CIITA: variants seen among roughly 807,000 people sequenced by gnomAD.
CIITA encodes the protein class II major histocompatibility complex transactivator.
In CIITA, 72 loss-of-function variants were observed where a neutral mutation model predicts 115.1. The observed-to-expected ratio is 0.63, with a 90% CI of 0.52 to 0.76. The LOEUF is 0.76. Ranked by LOEUF, CIITA falls within the 30% of genes least tolerant of loss-of-function variation. The pLI is 0.00. For missense variants in CIITA, 1,617 were observed against 1,463.8 expected, an observed-to-expected ratio of 1.10 and a Z score of -1.71; for synonymous variants, 763 against 635.6, an observed-to-expected ratio of 1.20 and a Z score of -3.02.
At chr16:10,903,692 A>T in intron 8 of CIITA, 39 bp from the exon 9 acceptor site, 2 of 1,612,332 alleles carry the variant, frequency 1.2e-6, no homozygotes, top group Non-Finnish European at 1.7e-6. Flanking sequence ...TGGAATCAAT[A>T]CCTGGTTATT....
rs143703122 is a variant in CIITA at position 10,889,580 on chromosome 16, C to T, written c.53-5702C>T. On this transcript the variant is annotated intron_variant, in intron 1 of 19. Coordinates refer to ENST00000324288, the MANE Select transcript of CIITA (RefSeq NM_000246.4). ...TGTCGCCCAGGCTGGAGTGCAGTGG[C>T]GCAGTCTTGGTTCACTGCAGCCTCT... Among the ~76,000 whole-genome samples the T allele has an allele frequency of 2.5e-3, 379 of 151,552 alleles. 1 individual carries two copies. Among genetic ancestry groups the T allele is most frequent in the African/African-American group, 8.2e-3 (339 of 41,282 alleles).
chr16:10,881,084 G>A (rs2036378875), intron 1 of CIITA, among the ~76,000 whole-genome samples: 2 of 152,194 alleles, frequency 1.3e-5, no homozygotes, highest in Middle Eastern at 3.4e-3. Flanking sequence ...GACCAGCCTG[G>A]GCAACCTGGA....
chr16:10,866,357 T>G (rs1357577611), intron 1 of CIITA: 1 of 568,588 alleles, frequency 1.8e-6, no homozygotes, highest in Non-Finnish European at 3.4e-6. Flanking sequence ...CCCAGCCTGG[T>G]GCAGGCCCTC....
intron 15 of CIITA, among the ~76,000 whole-genome samples, chr16:10,917,168 A>G (rs1342804114): frequency 6.6e-6 from 1 of 152,078 alleles, no homozygotes; most frequent in Non-Finnish European, 1.5e-5. Context: ...ATACAGGAGG[A>G]TCAATGTGAT....
chr16:10,875,949 G>C (rs934249839), upstream of CIITA, among the ~76,000 whole-genome samples: 2 of 152,114 alleles, frequency 1.3e-5, no homozygotes, highest in African/African-American at 4.8e-5. Context: ...CAGCCTGGGC[G>C]AAAGAGCGCG....
chr16:10,897,046 C>T (rs894124997), intron 3 of CIITA, among the ~76,000 whole-genome samples: 1 of 152,192 alleles, frequency 6.6e-6, no homozygotes, highest in Non-Finnish European at 1.5e-5. Context: ...TGTTTTTCTC[C>T]CCCCTTAGTG....
In CIITA at chr16:10,907,134, C is replaced by T. The variant is rs757009223; in HGVS notation, c.1642C>T (p.Arg548Trp). ...AGGTTGCACCCTCCTCCTCACAGCC[C>T]GGCCCCGGGGCCGCCTGGTCCAGAG... is the stretch of plus-strand genomic sequence containing the variant. Reference protein sequence around the residue: ...LRGCTLLLTARPRGRLVQSLS... With the variant: ...LRGCTLLLTAWPRGRLVQSLS... Residue 548 changes from arginine (R) to tryptophan (W), a missense_variant, in exon 11 of 20, where the codon CGG (arginine) becomes TGG (tryptophan). Arg to Trp is a moderately radical substitution (Grantham distance 101). Coordinates refer to ENST00000324288, the MANE Select transcript of CIITA (RefSeq NM_000246.4). The surrounding 1 kb of genome is among the most constrained non-coding windows in gnomAD (Gnocchi z 5.0). 2.5e-6 allele frequency: 4 copies of T among 1,612,456 alleles called. No individual in the cohort carries two copies. The highest frequency in any genetic ancestry group is 3.4e-6 in the Non-Finnish European group (4 of 1,179,810).
At chr16:10,940,107 AG>A (rs1314902914), downstream of CIITA, 2 of 152,236 alleles carry the variant, frequency 1.3e-5, no homozygotes, top group African/African-American at 2.4e-5. The surrounding 1 kb of genome is among the most constrained non-coding windows in gnomAD (Gnocchi z 4.2). Flanking sequence ...CCATTAGGAG[AG>A]CCCTCTGCCG....
At chr16:10,874,572 C>CG (rs2035701593), upstream of CIITA, among the ~76,000 whole-genome samples, 1 of 152,224 alleles carries the variant, frequency 6.6e-6, no homozygotes, top group South Asian at 2.1e-4. Flanking sequence ...TGCCATCAGT[C>CG]AAACACACAG....
At chr16:10,882,155 G>A (rs1309002800) in intron 1 of CIITA, among the ~76,000 whole-genome samples, 1 of 152,106 alleles carries the variant, frequency 6.6e-6, no homozygotes, top group East Asian at 1.9e-4. Context: ...CTGACTCCCC[G>A]CTTTCAACTC....
At chr16:10,878,626 T>G (rs770546238) in intron 1 of CIITA, among the ~76,000 whole-genome samples, 28 of 152,018 alleles carry the variant, frequency 1.8e-4, no homozygotes, top group Non-Finnish European at 7.4e-5. Flanking sequence ...TTGGACTGAG[T>G]TGGAGAGAAA....
In CIITA at chr16:10,886,596, A is replaced by G. The variant is rs559961774; in HGVS notation, c.53-8686A>G. 8.5e-4 allele frequency among the ~76,000 whole-genome samples: 129 copies of G among 152,328 alleles called. 1 individual carries two copies. The highest frequency in any genetic ancestry group is 3.0e-3 in the African/African-American group (123 of 41,576). On this transcript the variant is annotated intron_variant, in intron 1 of 19. Transcript: ENST00000324288. The stretch of plus-strand genomic sequence containing the variant: ...GGCCCCATCCATCTACATTCCCACA[A>G]ACCCGTGTAACCAACACTTGGCATT...
intron 12 of CIITA, among the ~76,000 whole-genome samples, chr16:10,909,660 T>G (rs1379889384): frequency 1.3e-5 from 2 of 152,240 alleles, no homozygotes; most frequent in African/African-American, 4.8e-5. Flanking sequence ...AAGTGCTGTC[T>G]GGGATAGGTA....
chr16:10,902,283 T>C lies in CIITA; in HGVS notation c.628+99T>C. ...GGACTGTCAGGAACTGGACCTCACC[T>C]CTCCCCAACCCTATCAGTGTCACTC... On this transcript the variant is annotated intron_variant, in intron 7 of 19. Coordinates refer to ENST00000324288, the MANE Select transcript of CIITA (RefSeq NM_000246.4). 5 of 1,506,720 alleles carry C rather than the reference T, an allele frequency of 3.3e-6. No homozygotes were observed. In the South Asian group the frequency reaches 5.9e-5, roughly 18 times the overall value. The allele number at this position is 1,506,720 out of a possible 1,614,324, so 93.3% of individuals were successfully genotyped here.
At chr16:10,938,487 G>A (rs2041059855), downstream of CIITA, 1 of 152,190 alleles carries the variant, frequency 6.6e-6, no homozygotes, top group African/African-American at 2.4e-5. The surrounding 1 kb of genome is among the most constrained non-coding windows in gnomAD (Gnocchi z 4.9). Context: ...ATTGGCGTGT[G>A]GGGAACACAT....
chr16:10,887,953 C>T lies in CIITA; in HGVS notation c.53-7329C>T, dbSNP rs73499480. Reference sequence around the variant, plus strand: ...TCTAATGAACTGGACGTAATCTCAGCGCCTGCGTCTGTAAAATGGCTATAA... The same window carrying T: ...TCTAATGAACTGGACGTAATCTCAGTGCCTGCGTCTGTAAAATGGCTATAA... On this transcript the variant is annotated intron_variant, in intron 1 of 19. Coordinates refer to ENST00000324288, the MANE Select transcript of CIITA (RefSeq NM_000246.4). Among the ~76,000 whole-genome samples the T allele has an allele frequency of 5.4e-3, 828 of 152,292 alleles. 5 individuals carry two copies. The highest frequency in any genetic ancestry group is 0.018 in the African/African-American group (755 of 41,550).
At chr16:10,917,199 A>G (rs1037408242) in intron 15 of CIITA, among the ~76,000 whole-genome samples, 1 of 152,304 alleles carries the variant, frequency 6.6e-6, no homozygotes, top group African/African-American at 2.4e-5. Context: ...TTTTTCAGAC[A>G]AGGTCTCGCT....
intron 1 of CIITA, among the ~76,000 whole-genome samples, chr16:10,871,554 G>T (rs1032971496): frequency 1.3e-5 from 2 of 152,132 alleles, no homozygotes. Context: ...CTGGGAAGTC[G>T]CCTGATTTAT....
chr16:10,917,067 T>C (rs979503353), intron 15 of CIITA: 13 of 225,394 alleles, frequency 5.8e-5, no homozygotes, highest in Non-Finnish European at 1.1e-4. Flanking sequence ...ATAGGAGAGA[T>C]AGATTAGGAT....
Sources: allele counts gnomAD v4.1 joint callset (sites outside exome capture counted in the v4.1 genomes callset), GRCh38; gene constraint gnomAD v4.1.1; non-coding constraint Gnocchi (gnomAD v3.1); transcripts MANE v1.5; gene names NCBI Gene and HGNC (gene_info 2026-07-23, HGNC 2026-07-21).